Variants in CYP20A1 observed in about 807,000 individuals in gnomAD.
The protein encoded by CYP20A1 is cytochrome P450 family 20 subfamily A member 1.
A neutral mutation model predicts 61.4 loss-of-function variants in CYP20A1; 61 were observed. That is an observed-to-expected ratio of 0.99 (90% CI 0.81 to 1.23). The LOEUF (loss-of-function observed/expected upper bound fraction) is 1.23. Ranked by LOEUF, CYP20A1 falls within the 50% of genes most tolerant of loss-of-function variation. The probability of loss-of-function intolerance (pLI) is 0.00; values close to 1 mark genes in which losing one functional copy is unlikely to be tolerated. For synonymous variants in CYP20A1, 193 were observed against 188.2 expected, an observed-to-expected ratio of 1.03 and a Z score of -0.21; for missense variants, 530 against 542.4, an observed-to-expected ratio of 0.98 and a Z score of 0.23.
At chr2:203,239,748 C>A (rs1236532138) in intron 1 of CYP20A1, among the ~76,000 whole-genome samples, 1 of 152,216 alleles carries the variant, frequency 6.6e-6, no homozygotes, top group Non-Finnish European at 1.5e-5. Flanking sequence ...CCTCTGCGAG[C>A]CTCCGGTCCT....
intron 8 of CYP20A1, among the ~76,000 whole-genome samples, chr2:203,284,659 AC>A (rs1169743859): frequency 4.0e-5 from 6 of 151,892 alleles, no homozygotes; most frequent in African/African-American, 1.4e-4. Flanking sequence ...GGACATTACC[AC>A]AAACCTACTG....
At position 203,301,419 on chromosome 2, in the gene CYP20A1, G is replaced by GT. The variant is rs2069019677; in HGVS notation, c.*4518dup. Among the ~76,000 whole-genome samples the GT allele has an allele frequency of 6.6e-6, 1 of 151,654 alleles. No individual in the cohort carries two copies. The highest frequency in any genetic ancestry group is 2.4e-5 in the African/African-American group (1 of 41,306). On this transcript the variant is annotated 3_prime_UTR_variant, in exon 13 of 13. Transcript: ENST00000356079. ...CATATGCATGCCACCATGCCCAGCT[G>GT]TTTTTTTGTTTGCTTGTTTTTGGTT... is the stretch of plus-strand genomic sequence containing the variant.
chr2:203,262,005 A>AGC (rs2067156786), intron 4 of CYP20A1, among the ~76,000 whole-genome samples: 1 of 152,074 alleles, frequency 6.6e-6, no homozygotes, highest in Non-Finnish European at 1.5e-5. Flanking sequence ...TGATGGGGGA[A>AGC]GCTGCTGACT....
intron 3 of CYP20A1, 107 bp downstream of exon 3, chr2:203,247,028 AGGCAGGTG>A (rs1246397168): frequency 6.5e-6 from 7 of 1,077,268 alleles, no homozygotes; most frequent in Non-Finnish European, 8.1e-6. Flanking sequence ...TGGGAGGCTG[AGGCAGGTG>A]GATCACATGA....
rs2068898508 is a variant in CYP20A1 at position 203,298,533 on chromosome 2, C to CG, written c.*1625_*1626insG. The stretch of plus-strand genomic sequence containing the variant: ...TGAAACCCCGTCTCTACTAAAAATA[C>CG]AAAAAAAAAAAAAAAAAATTAGCCA... On this transcript the variant is annotated 3_prime_UTR_variant, in exon 13 of 13. Transcript: ENST00000356079. Among the ~76,000 whole-genome samples the CG allele has an allele frequency of 8.0e-6, 1 of 124,522 alleles. No individual in the cohort carries two copies. Among genetic ancestry groups the CG allele is most frequent in the East Asian group, 2.3e-4 (1 of 4,344 alleles). 81.7% of individuals were successfully genotyped at this position (124,522 alleles called of 152,430 possible).
At chr2:203,295,101 C>T (rs1386619418) in intron 11 of CYP20A1, among the ~76,000 whole-genome samples, 7 of 150,994 alleles carry the variant, frequency 4.6e-5, no homozygotes, top group East Asian at 3.9e-4. Context: ...TACAGGCACC[C>T]GCCACTGTGC....
intron 4 of CYP20A1, among the ~76,000 whole-genome samples, chr2:203,253,710 G>A (rs1185059521): frequency 1.3e-5 from 2 of 152,090 alleles, no homozygotes; most frequent in East Asian, 1.9e-4. Context: ...AGAAAAACAA[G>A]AACTGGTTAA....
intron 11 of CYP20A1, among the ~76,000 whole-genome samples, chr2:203,293,040 G>C (rs2152111627): frequency 6.6e-6 from 1 of 151,418 alleles, no homozygotes; most frequent in African/African-American, 2.4e-5. Context: ...TGGGCATGGT[G>C]GCGCATGCCT....
chr2:203,250,151 A>G (rs898906942), intron 3 of CYP20A1, among the ~76,000 whole-genome samples: 1 of 152,110 alleles, frequency 6.6e-6, no homozygotes, highest in Non-Finnish European at 1.5e-5. Flanking sequence ...CAGATGTGAG[A>G]AAATATTTAT....
At chr2:203,277,640 T>G (rs1256034838) in intron 6 of CYP20A1, among the ~76,000 whole-genome samples, 1 of 151,932 alleles carries the variant, frequency 6.6e-6, no homozygotes, top group Non-Finnish European at 1.5e-5. Flanking sequence ...CTCAGCCTCC[T>G]GAGTAACTGA....
At position 203,289,763 on chromosome 2, in the gene CYP20A1, A is replaced by T; in HGVS notation, c.972-2A>T. 1.3e-6 allele frequency: 2 copies of T among 1,535,014 alleles called. No homozygotes were observed. Among genetic ancestry groups the T allele is most frequent in the Non-Finnish European group, 1.8e-6 (2 of 1,140,334 alleles). ...TCTTCAAAAAAAATTTTTTTAAAAC[A>T]GATATTGTCAGCATGTGCTTTGTGA... On this transcript the variant is annotated splice_acceptor_variant, in intron 9 of 12. Coordinates refer to ENST00000356079, the MANE Select transcript of CYP20A1 (RefSeq NM_177538.3). LOFTEE classifies it high-confidence loss of function.
rs2069168647 is a variant in CYP20A1 at position 203,305,183 on chromosome 2, T to C, written c.*8275T>C. On this transcript the variant is annotated 3_prime_UTR_variant, in exon 13 of 13. Transcript: ENST00000356079. ...ACTCCCAATTTAATTGGTTTACAGT[T>C]CGGTGGCTGTCTTTTTTTTTTTTTT... Among the ~76,000 whole-genome samples, 1 of 149,202 alleles carries C rather than the reference T, an allele frequency of 6.7e-6. No individual in the cohort carries two copies. Among genetic ancestry groups the C allele is most frequent in the African/African-American group, 2.5e-5 (1 of 40,630 alleles).
chr2:203,281,649 A>T (rs920279678), intron 8 of CYP20A1, among the ~76,000 whole-genome samples: 25 of 152,190 alleles, frequency 1.6e-4, no homozygotes, highest in African/African-American at 5.1e-4. Context: ...AAAAATACAA[A>T]AATTAGCCAA....
chr2:203,244,639 G>T (rs897579866), intron 1 of CYP20A1, among the ~76,000 whole-genome samples: 1 of 151,818 alleles, frequency 6.6e-6, no homozygotes, highest in African/African-American at 2.4e-5. Context: ...AAATGTACTG[G>T]ATATGTGTTA....
At chr2:203,285,808 C>A in intron 9 of CYP20A1, 76 bp downstream of exon 9, 1 of 1,311,058 alleles carries the variant, frequency 7.6e-7, no homozygotes, top group Non-Finnish European at 1.0e-6. Flanking sequence ...GCTATTGTTG[C>A]TATCTAGGAA....
At chr2:203,250,193 C>A (rs760825684) in intron 3 of CYP20A1, among the ~76,000 whole-genome samples, 2 of 152,126 alleles carry the variant, frequency 1.3e-5, no homozygotes, top group African/African-American at 2.4e-5. Flanking sequence ...AAATTTGAAG[C>A]AACCTAAATA....
intron 4 of CYP20A1, 78 bp from the exon 5 acceptor site, chr2:203,266,436 A>C: frequency 3.0e-6 from 4 of 1,322,840 alleles, no homozygotes; most frequent in Non-Finnish European, 4.3e-6. Flanking sequence ...TTTGCCATTA[A>C]ATGAATCTAC....
chr2:203,260,091 TA>T (rs2067076403), intron 4 of CYP20A1, among the ~76,000 whole-genome samples: 1 of 151,824 alleles, frequency 6.6e-6, no homozygotes, highest in Non-Finnish European at 1.5e-5. Flanking sequence ...CATGCCCAGC[TA>T]AATTTTGTAT....
chr2:203,304,938 A>G lies in CYP20A1; in HGVS notation c.*8030A>G, dbSNP rs897436494. Reference sequence around the variant, plus strand: ...GTGACAAAGCACAACCCTCAAATAAATAAATAAATACATGTTAAACATATA... The same window carrying G: ...GTGACAAAGCACAACCCTCAAATAAGTAAATAAATACATGTTAAACATATA... On this transcript the variant is annotated 3_prime_UTR_variant, in exon 13 of 13. Coordinates refer to ENST00000356079, the MANE Select transcript of CYP20A1 (RefSeq NM_177538.3). Among the ~76,000 whole-genome samples the G allele has an allele frequency of 2.0e-5, 3 of 152,162 alleles. No homozygotes were observed. The highest frequency in any genetic ancestry group is 7.2e-5 in the African/African-American group (3 of 41,440).
Sources: allele counts gnomAD v4.1 joint callset (sites outside exome capture counted in the v4.1 genomes callset), GRCh38; gene constraint gnomAD v4.1.1; transcripts MANE v1.5; gene names NCBI Gene and HGNC (gene_info 2026-07-23, HGNC 2026-07-21).